The following SEMA3A variants were observed in gnomAD, a reference collection of about 807,000 sequenced individuals.
The protein encoded by SEMA3A is semaphorin 3A.
Under a neutral mutation model 97.9 loss-of-function variants are expected in SEMA3A, and 29 were observed. That is an observed-to-expected ratio of 0.30 (90% CI 0.22 to 0.40). The LOEUF is 0.40. Among genes scored for constraint, SEMA3A ranks in the 10% least tolerant of loss-of-function variants. SEMA3A has a pLI of 1.00. For synonymous variants in SEMA3A, 321 were observed against 323.7 expected, an observed-to-expected ratio of 0.99 and a Z score of 0.09; for missense variants, 763 against 951.3, an observed-to-expected ratio of 0.80 and a Z score of 2.60.
At chr7:84,457,173 G>A (rs1042940933) in intron 1 of SEMA3A, among the ~76,000 whole-genome samples, 1 of 151,666 alleles carries the variant, frequency 6.6e-6, no homozygotes, top group African/African-American at 2.4e-5. Context: ...GTGTTAGGAT[G>A]AGTGGATGAA....
At chr7:84,204,257 G>A (rs1798432533) in intron 3 of SEMA3A, among the ~76,000 whole-genome samples, 1 of 152,112 alleles carries the variant, frequency 6.6e-6, no homozygotes, top group Admixed American at 6.6e-5. Flanking sequence ...ATATAAGACA[G>A]AACATCTGGA....
intron 3 of SEMA3A, among the ~76,000 whole-genome samples, chr7:84,273,340 C>T (rs186850006): frequency 2.2e-4 from 33 of 152,120 alleles, no homozygotes; most frequent in Admixed American, 5.9e-4. Flanking sequence ...CACTAGTCTC[C>T]TAGAATATTA....
At chr7:84,089,174 C>T (rs1583946369) in intron 4 of SEMA3A, among the ~76,000 whole-genome samples, 1 of 152,020 alleles carries the variant, frequency 6.6e-6, no homozygotes, top group Non-Finnish European at 1.5e-5. Flanking sequence ...AAAATACTTC[C>T]CTTTAAAGAA....
intron 4 of SEMA3A, among the ~76,000 whole-genome samples, chr7:84,063,464 T>C (rs1260865035): frequency 4.0e-5 from 6 of 150,734 alleles, no homozygotes; most frequent in Admixed American, 6.6e-5. Context: ...GACGATCAAA[T>C]TACTCTGAGC....
At chr7:84,056,257 T>A (rs187741586) in intron 5 of SEMA3A, among the ~76,000 whole-genome samples, 1 of 152,336 alleles carries the variant, frequency 6.6e-6, no homozygotes. Flanking sequence ...CTATTATGGC[T>A]TAGTTGCCTG....
At chr7:84,452,109 C>A (rs1805571327) in intron 1 of SEMA3A, among the ~76,000 whole-genome samples, 1 of 152,122 alleles carries the variant, frequency 6.6e-6, no homozygotes, top group Non-Finnish European at 1.5e-5. Flanking sequence ...TTTTTTTACA[C>A]ACCTGACAAC....
At chr7:84,097,782 G>C (rs1794822569) in intron 4 of SEMA3A, among the ~76,000 whole-genome samples, 1 of 151,952 alleles carries the variant, frequency 6.6e-6, no homozygotes, top group South Asian at 2.1e-4. Flanking sequence ...AATTACTAAA[G>C]AATAATAGCA....
intron 12 of SEMA3A, among the ~76,000 whole-genome samples, chr7:83,989,084 T>A (rs1411300996): frequency 6.6e-6 from 1 of 152,110 alleles, no homozygotes; most frequent in African/African-American, 2.4e-5. Flanking sequence ...TTCCAACAAT[T>A]TCACATGAAA....
chr7:84,262,862 G>C (rs1011938384), intron 3 of SEMA3A, among the ~76,000 whole-genome samples: 1 of 152,158 alleles, frequency 6.6e-6, no homozygotes, highest in Admixed American at 6.5e-5. Flanking sequence ...GACTAAGAAC[G>C]TGTATAGCCT....
chr7:84,361,804 A>T (rs1160718598), intron 2 of SEMA3A, among the ~76,000 whole-genome samples: 2 of 152,022 alleles, frequency 1.3e-5, no homozygotes, highest in Non-Finnish European at 2.9e-5. Flanking sequence ...TAGGCCAGGG[A>T]AGTTAACTGA....
intron 6 of SEMA3A, among the ~76,000 whole-genome samples, chr7:84,045,350 T>C (rs1385757369): frequency 1.3e-5 from 2 of 151,890 alleles, no homozygotes; most frequent in Non-Finnish European, 2.9e-5. Context: ...ACGAGTTATA[T>C]ACAAGCAGGA....
At chr7:84,084,418 T>C (rs572531035) in intron 4 of SEMA3A, among the ~76,000 whole-genome samples, 2 of 152,084 alleles carry the variant, frequency 1.3e-5, no homozygotes, top group South Asian at 4.1e-4. Flanking sequence ...GAAAAATATG[T>C]CTAACTAGTG....
intron 2 of SEMA3A, among the ~76,000 whole-genome samples, chr7:84,313,988 A>G (rs2115879349): frequency 6.6e-6 from 1 of 152,192 alleles, no homozygotes; most frequent in East Asian, 1.9e-4. Context: ...TTAAAGTAAT[A>G]GATAAAACTG....
At chr7:84,265,981 T>C (rs549122581) in intron 3 of SEMA3A, among the ~76,000 whole-genome samples, 23 of 152,230 alleles carry the variant, frequency 1.5e-4, no homozygotes, top group African/African-American at 5.5e-4. Flanking sequence ...TAGTAATAAA[T>C]GAGATTCCAC....
intron 13 of SEMA3A, 70 bp downstream of exon 13, chr7:83,985,366 A>C (rs1789582323): frequency 9.6e-7 from 1 of 1,045,082 alleles, no homozygotes; most frequent in African/African-American, 1.6e-5. Context: ...TTTGATAAAT[A>C]GATATATCTA....
At chr7:84,055,871 A>G (rs1280652058) in intron 5 of SEMA3A, among the ~76,000 whole-genome samples, 1 of 152,236 alleles carries the variant, frequency 6.6e-6, no homozygotes, top group Non-Finnish European at 1.5e-5. Context: ...TGAGATACAT[A>G]CTTTAGAGCT....
intron 1 of SEMA3A, among the ~76,000 whole-genome samples, chr7:84,486,886 T>C (rs1806587583): frequency 6.6e-6 from 1 of 152,068 alleles, no homozygotes. Context: ...TTAGTGCATC[T>C]CACCAGAAAA....
intron 6 of SEMA3A, among the ~76,000 whole-genome samples, chr7:84,046,114 A>G (rs1020535119): frequency 1.3e-5 from 2 of 151,978 alleles, no homozygotes; most frequent in Non-Finnish European, 2.9e-5. Context: ...AGAAACTTCA[A>G]CTTTGGCACT....
At chr7:84,095,539 G>A (rs912358010) in intron 4 of SEMA3A, among the ~76,000 whole-genome samples, 2 of 150,136 alleles carry the variant, frequency 1.3e-5, no homozygotes, top group Admixed American at 6.7e-5. Context: ...CTTGGCTTAT[G>A]CATTTTATCT....
Sources: allele counts gnomAD v4.1 joint callset (sites outside exome capture counted in the v4.1 genomes callset), GRCh38; gene constraint gnomAD v4.1.1; transcripts MANE v1.5; gene names NCBI Gene and HGNC (gene_info 2026-07-23, HGNC 2026-07-21).